Variants in LARP4B observed in about 807,000 individuals in gnomAD.
The protein encoded by LARP4B is la-related protein 4B.
LARP4B carries 12 observed loss-of-function variants against 89.8 expected under a neutral mutation model. That is an observed-to-expected ratio of 0.13 (90% CI 0.09 to 0.22). The LOEUF is 0.22. Ranked by LOEUF, LARP4B falls within the 10% of genes least tolerant of loss-of-function variation. The pLI is 1.00. For missense variants in LARP4B, 757 were observed against 947.7 expected (o/e 0.80, Z 2.64); for synonymous variants, 367 against 363.3 (o/e 1.01, Z -0.12).
chr10:890,414 G>A (rs1211357332), intron 1 of LARP4B, among the ~76,000 whole-genome samples: 1 of 152,162 alleles, frequency 6.6e-6, no homozygotes, highest in African/African-American at 2.4e-5. Flanking sequence ...CACTTTAACA[G>A]ATATATTTCA....
intron 13 of LARP4B, among the ~76,000 whole-genome samples, chr10:824,766 G>C (rs1832536744): frequency 6.6e-6 from 1 of 152,228 alleles, no homozygotes; most frequent in South Asian, 2.1e-4. Flanking sequence ...GAGGGGCCTG[G>C]TGAGCCAGGG....
the LARP4B span, among the ~76,000 whole-genome samples, chr10:967,338 T>C: frequency 6.6e-6 from 1 of 151,792 alleles, no homozygotes; most frequent in Non-Finnish European, 1.5e-5. Flanking sequence ...ACAGAACACC[T>C]TAAAAAGGAA....
chr10:927,200 C>T (rs1588996928), intron 1 of LARP4B, among the ~76,000 whole-genome samples: 1 of 152,040 alleles, frequency 6.6e-6, no homozygotes, highest in East Asian at 1.9e-4. Context: ...GAAATAGGAG[C>T]CATGACAGCT....
chr10:981,615 G>C, the LARP4B span, among the ~76,000 whole-genome samples: 1 of 152,154 alleles, frequency 6.6e-6, no homozygotes, highest in Non-Finnish European at 1.5e-5. Flanking sequence ...CTGTCGCCCA[G>C]ACTGGAGTGC....
chr10:970,358 C>A, the LARP4B span, among the ~76,000 whole-genome samples: 1 of 152,170 alleles, frequency 6.6e-6, no homozygotes, highest in Non-Finnish European at 1.5e-5. Flanking sequence ...TAACACCCAT[C>A]TTTCAGGGGC....
At chr10:874,771 G>A (rs1192337732) in intron 3 of LARP4B, among the ~76,000 whole-genome samples, 1 of 151,736 alleles carries the variant, frequency 6.6e-6, no homozygotes. Flanking sequence ...AAAAAGTTTA[G>A]GAATTACACT....
In LARP4B at chr10:829,439, G is replaced by A. The variant is rs1395150607; in HGVS notation, c.1071C>T (p.Ser357=). 2 of 1,614,048 alleles carry A rather than the reference G, an allele frequency of 1.2e-6. No individual in the cohort carries two copies. Reference sequence around the variant, plus strand: ...CTGACCACGTCTGGGGAGTGATCAGGCTGTACAGGGGGAACTGCTGCTGGG... The same window carrying A: ...CTGACCACGTCTGGGGAGTGATCAGACTGTACAGGGGGAACTGCTGCTGGG... ...YSPQQQFPLY[S]LITPQTWSAT... The change falls in exon 11 of 18, where the codon AGC becomes AGT. Residue 357 remains serine, a synonymous_variant. Coordinates refer to ENST00000316157, the MANE Select transcript of LARP4B (RefSeq NM_015155.3).
rs1429102890 is a variant in LARP4B, at chr10:901,061, A to T, written c.-39-15301T>A. ...CAGCCTCATGAGTAGCTGGGATTAC[A>T]GGCACCTGCCACCACGCCCGGCTAA... On this transcript the variant is annotated intron_variant, in intron 1 of 17. Coordinates refer to ENST00000316157, the MANE Select transcript of LARP4B (RefSeq NM_015155.3). 5.3e-5 allele frequency among the ~76,000 whole-genome samples: 8 copies of T among 151,678 alleles called. No individual in the cohort carries two copies. In the East Asian group the frequency reaches 1.4e-3, roughly 26 times the overall value.
chr10:898,434 T>A (rs118182589), intron 1 of LARP4B, among the ~76,000 whole-genome samples: 4 of 152,336 alleles, frequency 2.6e-5, no homozygotes, highest in Non-Finnish European at 5.9e-5. Flanking sequence ...AAAACCTGTA[T>A]GTGAATTTTC....
chr10:944,667 G>A, the LARP4B span, among the ~76,000 whole-genome samples: 11 of 152,232 alleles, frequency 7.2e-5, no homozygotes, highest in Non-Finnish European at 1.3e-4. Context: ...GTGTCTGGGC[G>A]TTGCCCCCGC....
At chr10:832,783 T>G (rs1179648037) in intron 8 of LARP4B, among the ~76,000 whole-genome samples, 3 of 151,944 alleles carry the variant, frequency 2.0e-5, no homozygotes, top group East Asian at 1.9e-4. Context: ...CTGAAAAAAA[T>G]TCATCATCGG....
chr10:983,746 A>G, the LARP4B span, among the ~76,000 whole-genome samples: 4 of 152,068 alleles, frequency 2.6e-5, no homozygotes, highest in Non-Finnish European at 4.4e-5. Context: ...TTCACGTATG[A>G]ATTTGGGGAG....
the LARP4B span, among the ~76,000 whole-genome samples, chr10:983,383 G>A: frequency 6.6e-6 from 1 of 152,234 alleles, no homozygotes; most frequent in Non-Finnish European, 1.5e-5. Context: ...CCTATGGTGA[G>A]TATCTTAACC....
the LARP4B span, among the ~76,000 whole-genome samples, chr10:960,481 T>G: frequency 0.12 from 18,557 of 151,324 alleles, 1,516 homozygotes; most frequent in Non-Finnish European, 0.18. Context: ...CCAAGGAGGG[T>G]GGATCATTTG....
At position 820,895 on chromosome 10, in the gene LARP4B, T is replaced by C. The variant is rs754868095; in HGVS notation, c.1485-50A>G. ...TGTTATTTTTTTCCCACTTGGAGAA[T>C]TTATTATTGAGCACGTTTGCACTCA... On this transcript the variant is annotated intron_variant, in intron 13 of 17. Transcript: ENST00000316157. 5.8e-6 allele frequency: 9 copies of C among 1,546,850 alleles called. No individual in the cohort carries two copies. In the Admixed American group the frequency reaches 1.4e-4, roughly 24 times the overall value.
chr10:873,695 A>C (rs911085977), intron 3 of LARP4B, among the ~76,000 whole-genome samples: 3 of 152,234 alleles, frequency 2.0e-5, no homozygotes, highest in African/African-American at 4.8e-5. Context: ...GAAAAAATCA[A>C]AGGAGAGCAA....
intron 5 of LARP4B, among the ~76,000 whole-genome samples, chr10:853,023 C>T (rs1307011057): frequency 6.6e-6 from 1 of 152,150 alleles, no homozygotes; most frequent in Non-Finnish European, 1.5e-5. Context: ...CAATGTTCTC[C>T]AACTGATCTA....
intron 5 of LARP4B, among the ~76,000 whole-genome samples, chr10:862,104 A>C (rs2131832799): frequency 6.6e-6 from 1 of 152,256 alleles, no homozygotes. Context: ...GATTTAGAAA[A>C]CTGCTCATGT....
At chr10:816,543 T>C (rs1036430985) in intron 15 of LARP4B, among the ~76,000 whole-genome samples, 6 of 152,212 alleles carry the variant, frequency 3.9e-5, no homozygotes, top group Non-Finnish European at 7.4e-5. Flanking sequence ...AGACTCAAAC[T>C]GGGCACAGCA....
Sources: gnomAD v4.1 joint callset for allele counts (sites outside exome capture counted in the v4.1 genomes callset) on GRCh38, gnomAD v4.1.1 for gene constraint, MANE v1.5 for transcripts, NCBI Gene and HGNC (gene_info 2026-07-23, HGNC 2026-07-21) for gene names.